The following LYRM4 variants were observed in gnomAD, a reference collection of about 807,000 sequenced individuals.
The protein encoded by LYRM4 is LYR motif-containing protein 4.
Under a neutral mutation model 11.7 loss-of-function variants are expected in LYRM4, and 9 were observed. The observed-to-expected ratio is 0.77, with a 90% CI of 0.46 to 1.34. LYRM4 has a LOEUF of 1.34. LYRM4 is among the 40% of genes most tolerant of loss of function. The pLI, the probability that LYRM4 is intolerant of heterozygous loss-of-function variation, is 0.00. For missense variants in LYRM4, 133 were observed against 112.5 expected, an observed-to-expected ratio of 1.18 and a Z score of -0.82; for synonymous variants, 42 against 40.4, an observed-to-expected ratio of 1.04 and a Z score of -0.15.
At chr6:5,225,635 C>A (rs911493777) in intron 1 of LYRM4, among the ~76,000 whole-genome samples, 1 of 152,082 alleles carries the variant, frequency 6.6e-6, no homozygotes, top group Non-Finnish European at 1.5e-5. Flanking sequence ...AGGTTGTCTC[C>A]AATTGTGCTA....
chr6:5,157,978 C>T (rs536489100), intron 2 of LYRM4, among the ~76,000 whole-genome samples: 2 of 152,292 alleles, frequency 1.3e-5, no homozygotes, highest in South Asian at 2.1e-4. Flanking sequence ...CAGGACTTGA[C>T]AGGGGGGCTG....
intron 1 of LYRM4, among the ~76,000 whole-genome samples, chr6:5,226,194 C>T (rs1046070082): frequency 5.3e-5 from 8 of 152,250 alleles, no homozygotes; most frequent in African/African-American, 1.7e-4. Context: ...CTGTGTTACA[C>T]ATCATATGTA....
At chr6:5,104,831 G>C (rs460266), downstream of LYRM4, 1 of 152,068 alleles carries the variant, frequency 6.6e-6, no homozygotes, top group East Asian at 1.9e-4. Context: ...CCTCAGGCCT[G>C]GTCTCCTCAT....
intron 2 of LYRM4, among the ~76,000 whole-genome samples, chr6:5,177,221 T>C (rs58601318): frequency 0.04 from 6,158 of 152,314 alleles, 184 homozygotes; most frequent in East Asian, 0.1. Flanking sequence ...CAGGTGAGCG[T>C]AGAAGATTCT....
At chr6:5,077,004 C>T in the LYRM4 span, among the ~76,000 whole-genome samples, 1 of 152,200 alleles carries the variant, frequency 6.6e-6, no homozygotes, top group East Asian at 1.9e-4. Flanking sequence ...AAACCTCCCT[C>T]AGGAGCTTCC....
At chr6:5,189,716 G>A (rs1045430685) in intron 2 of LYRM4, among the ~76,000 whole-genome samples, 7 of 152,188 alleles carry the variant, frequency 4.6e-5, no homozygotes, top group Non-Finnish European at 2.9e-5. Flanking sequence ...CCATGAGAGT[G>A]AGAAGAGTTC....
chr6:5,128,159 A>C (rs1392888556), intron 2 of LYRM4, among the ~76,000 whole-genome samples: 1 of 152,214 alleles, frequency 6.6e-6, no homozygotes. Flanking sequence ...TTCTCTATAA[A>C]GCAAACTTGG....
At chr6:5,051,088 G>A in the LYRM4 span, among the ~76,000 whole-genome samples, 1 of 152,108 alleles carries the variant, frequency 6.6e-6, no homozygotes, top group Non-Finnish European at 1.5e-5. Flanking sequence ...AAGAATAAGT[G>A]AACATGAAGA....
intron 2 of LYRM4, chr6:5,136,695 CCA>C (rs1757118694): frequency 5.1e-6 from 5 of 985,358 alleles, no homozygotes; most frequent in Non-Finnish European, 6.0e-6. Flanking sequence ...CAGGTCCTAG[CCA>C]CAGTCTGTGG....
chr6:5,181,317 C>G lies in LYRM4; in HGVS notation c.207+35301G>C, dbSNP rs1446537859. Among the ~76,000 whole-genome samples the G allele has an allele frequency of 4.6e-5, 7 of 152,148 alleles. No homozygotes were observed. The South Asian group carries it at 1.2e-3, about 27-fold the overall frequency. On this transcript the variant is annotated intron_variant, in intron 2 of 2. Transcript: ENST00000330636. The stretch of plus-strand genomic sequence containing the variant: ...TCTTCCACGATGTATCGAGGACTCA[C>G]GTAGGAAACCCTACTTTCCCCTCAT...
intron 2 of LYRM4, among the ~76,000 whole-genome samples, chr6:5,210,712 T>C (rs1045545082): frequency 9.2e-5 from 14 of 152,210 alleles, no homozygotes; most frequent in Non-Finnish European, 1.8e-4. Context: ...CATTCTACTT[T>C]CAATTTCTAC....
intron 1 of LYRM4, among the ~76,000 whole-genome samples, chr6:5,239,509 G>C (rs1337089988): frequency 6.6e-6 from 1 of 152,052 alleles, no homozygotes; most frequent in African/African-American, 2.4e-5. Flanking sequence ...GTGTGGGAAG[G>C]TCAAGATGGA....
the LYRM4 span, chr6:5,066,402 AT>A: frequency 1.4e-6 from 1 of 740,212 alleles, no homozygotes; most frequent in East Asian, 2.5e-5. Flanking sequence ...ACTTGAGAAC[AT>A]TCTAGTTACT....
intron 2 of LYRM4, among the ~76,000 whole-genome samples, chr6:5,142,674 C>T (rs1757470741): frequency 6.6e-6 from 1 of 152,158 alleles, no homozygotes. Flanking sequence ...CAGGTAAAGG[C>T]CATGCACCTT....
the LYRM4 span, chr6:5,086,491 G>A: frequency 2.6e-6 from 4 of 1,537,418 alleles, no homozygotes; most frequent in Non-Finnish European, 3.5e-6. Context: ...CTGCGCGCAG[G>A]GCGAGTACTG....
At chr6:5,108,145 T>C (rs1013700885), downstream of LYRM4, 2 of 152,278 alleles carry the variant, frequency 1.3e-5, no homozygotes, top group East Asian at 1.9e-4. Flanking sequence ...CATATGAGGG[T>C]GAGAAGAACA....
chr6:5,093,442 T>G, the LYRM4 span, among the ~76,000 whole-genome samples: 1 of 152,248 alleles, frequency 6.6e-6, no homozygotes, highest in Non-Finnish European at 1.5e-5. Flanking sequence ...TTGTCCTCCC[T>G]GGCCTCTGCT....
intron 2 of LYRM4, among the ~76,000 whole-genome samples, chr6:5,138,173 C>T (rs531270215): frequency 1.3e-5 from 2 of 152,034 alleles, no homozygotes; most frequent in African/African-American, 4.8e-5. Flanking sequence ...ACATTTCTGC[C>T]AAGATTTTAT....
In LYRM4 at chr6:5,122,585, G is replaced by A. The variant is rs916998887; in HGVS notation, c.208-13094C>T. Among the ~76,000 whole-genome samples the A allele has an allele frequency of 2.6e-5, 4 of 152,194 alleles. No homozygotes were observed. In the South Asian group the frequency reaches 6.2e-4, roughly 24 times the overall value. On this transcript the variant is annotated intron_variant, in intron 2 of 2. Transcript: ENST00000330636. ...AGGAATGAACAACATCCCTTGATGAGATGCAATGAGTGCCCCTTCCCCGTT... is the reference window on the plus strand; with the variant it reads ...AGGAATGAACAACATCCCTTGATGAAATGCAATGAGTGCCCCTTCCCCGTT...
Sources: allele counts gnomAD v4.1 joint callset (sites outside exome capture counted in the v4.1 genomes callset), GRCh38; gene constraint gnomAD v4.1.1; transcripts MANE v1.5; gene names NCBI Gene and HGNC (gene_info 2026-07-23, HGNC 2026-07-21).